Variants in VSTM2L observed in about 807,000 individuals in gnomAD.
The protein encoded by VSTM2L is V-set and transmembrane domain-containing protein 2-like protein.
In VSTM2L, 9 loss-of-function variants were observed where a neutral mutation model predicts 19.9. The ratio of observed to expected loss-of-function variants is 0.45; its 90% CI spans 0.27 to 0.79. The LOEUF (loss-of-function observed/expected upper bound fraction) is 0.79, where lower values mean the gene tolerates loss of function less well. VSTM2L is among the 30% of genes least tolerant of loss of function. The pLI is 0.15. For missense variants in VSTM2L, 286 were observed against 295.5 expected (o/e 0.97, Z 0.24); for synonymous variants, 127 against 133.8 (o/e 0.95, Z 0.35).
Position 37,931,516 on chromosome 20 carries a change from AC to A in VSTM2L, c.122-114del. On this transcript the variant is annotated intron_variant, in intron 1 of 3. Coordinates refer to ENST00000373461, the MANE Select transcript of VSTM2L (RefSeq NM_080607.3). ...CACCAGCGGGCTTGCAGGTCACCCC[AC>A]CCCCTCCACCCATCCCCCGCCGTGC... is the stretch of plus-strand genomic sequence containing the variant. 5.9e-6 allele frequency: 5 copies of A among 850,222 alleles called. No homozygotes were observed. In the South Asian group the frequency reaches 8.2e-5, roughly 14 times the overall value. 52.7% of individuals were successfully genotyped at this position (850,222 alleles called of 1,614,324 possible).
At chr20:37,919,750 G>C (rs2072840178) in intron 1 of VSTM2L, among the ~76,000 whole-genome samples, 1 of 152,212 alleles carries the variant, frequency 6.6e-6, no homozygotes, top group South Asian at 2.1e-4. Flanking sequence ...TAGCTGAAAA[G>C]GATGGGGCTT....
At chr20:37,903,528 C>T (rs2072733707) in intron 1 of VSTM2L, 57 bp downstream of exon 1, 2 of 1,389,452 alleles carry the variant, frequency 1.4e-6, no homozygotes, top group Non-Finnish European at 1.9e-6. Context: ...CCGGGCCGCG[C>T]CACTCCAACT....
chr20:37,930,496 G>T (rs2072902145), intron 1 of VSTM2L, among the ~76,000 whole-genome samples: 1 of 152,160 alleles, frequency 6.6e-6, no homozygotes, highest in Non-Finnish European at 1.5e-5. Flanking sequence ...TGGGTGACCT[G>T]CACGTTGCCA....
chr20:37,931,856 G>T, intron 2 of VSTM2L, 52 bp downstream of exon 2: 1 of 1,566,008 alleles, frequency 6.4e-7, no homozygotes. Flanking sequence ...CCTGGTCCCT[G>T]GGGTAGGGGT....
At position 37,921,455 on chromosome 20, in the gene VSTM2L, C is replaced by T. The variant is rs2072850707; in HGVS notation, c.122-10180C>T. ...GGAGTAGGGAAAATGGGATCCTTCC[C>T]CTGCCTGCCACCAGAGCTGCTAGAG... On this transcript the variant is annotated intron_variant, in intron 1 of 3. Coordinates refer to ENST00000373461, the MANE Select transcript of VSTM2L (RefSeq NM_080607.3). 3.9e-5 allele frequency among the ~76,000 whole-genome samples: 6 copies of T among 152,148 alleles called. No homozygotes were observed. The South Asian group carries it at 1.2e-3, about 32-fold the overall frequency.
chr20:37,921,257 G>A (rs2072849526), intron 1 of VSTM2L, among the ~76,000 whole-genome samples: 1 of 152,208 alleles, frequency 6.6e-6, no homozygotes, highest in Non-Finnish European at 1.5e-5. Flanking sequence ...TGCAGGCTGT[G>A]TCCTTAGGGG....
chr20:37,931,883 TCTC>T (rs1408049684), intron 2 of VSTM2L, 79 bp downstream of exon 2: 3 of 1,448,060 alleles, frequency 2.1e-6, no homozygotes, highest in Non-Finnish European at 2.8e-6. Flanking sequence ...CTGCCCCTCT[TCTC>T]CTCTGAGGGA....
intron 1 of VSTM2L, among the ~76,000 whole-genome samples, chr20:37,922,775 G>C (rs1191002267): frequency 6.6e-6 from 1 of 152,186 alleles, no homozygotes; most frequent in African/African-American, 2.4e-5. Flanking sequence ...GGAGCTGGGG[G>C]CTGCCTGTGC....
chr20:37,924,554 CAAA>C (rs368447073), intron 1 of VSTM2L, among the ~76,000 whole-genome samples: 36 of 90,102 alleles, frequency 4.0e-4, no homozygotes, highest in African/African-American at 4.8e-4. Context: ...GACTCTGTCT[CAAA>C]AAAAAAAAAA....
chr20:37,903,143 GGC>G lies in VSTM2L; in HGVS notation c.-207_-206del. 1.8e-6 allele frequency: 1 copy of G among 560,668 alleles called. No homozygotes were observed. Among genetic ancestry groups the G allele is most frequent in the Non-Finnish European group, 2.5e-6 (1 of 393,484 alleles). 34.7% of individuals were successfully genotyped at this position (560,668 alleles called of 1,614,324 possible). ...AAGAGTCCCGCAGTCGGAGGCGGCC[GGC>G]TGGGCGTGCGCTCGCTCCCCGAAGC... On this transcript the variant is annotated 5_prime_UTR_variant, in exon 1 of 4. Coordinates refer to ENST00000373461, the MANE Select transcript of VSTM2L (RefSeq NM_080607.3).
intron 3 of VSTM2L, among the ~76,000 whole-genome samples, chr20:37,935,439 C>G (rs6096992): frequency 0.31 from 47,765 of 152,060 alleles, 7,727 homozygotes; most frequent in African/African-American, 0.36. Flanking sequence ...AATTGCTCTG[C>G]CCACCCTCCA....
In VSTM2L at chr20:37,945,194, T is replaced by G. The variant is rs887948398; in HGVS notation, c.*941T>G. The G allele has an allele frequency of 6.1e-6, 6 of 985,260 alleles. No individual in the cohort carries two copies. The African/African-American group carries it at 1.0e-4, about 17-fold the overall frequency. 61.0% of individuals were successfully genotyped at this position (985,260 alleles called of 1,614,324 possible). On this transcript the variant is annotated 3_prime_UTR_variant, in exon 4 of 4. Coordinates refer to ENST00000373461, the MANE Select transcript of VSTM2L (RefSeq NM_080607.3). ...TGTAAATATTTCTATTGGACCCAAT[T>G]CTCCTCGGAATTGGCTGGCACCTCT...
At chr20:37,913,730 G>A (rs2072793469) in intron 1 of VSTM2L, among the ~76,000 whole-genome samples, 1 of 152,154 alleles carries the variant, frequency 6.6e-6, no homozygotes, top group South Asian at 2.1e-4. Context: ...AGGCCAGAGT[G>A]GAGCTGCGCC....
chr20:37,911,795 A>C (rs1294849633), intron 1 of VSTM2L, among the ~76,000 whole-genome samples: 4 of 152,168 alleles, frequency 2.6e-5, no homozygotes. Flanking sequence ...CCACTGAACA[A>C]TGGTGAGTTT....
chr20:37,903,504 C>T lies in VSTM2L; in HGVS notation c.121+33C>T, dbSNP rs2072733434. ...CGGTCGCCGCCCCCGCGGACTTCCC[C>T]ACCAAACCCCAACCCGGGCCGCGCC... On this transcript the variant is annotated intron_variant, in intron 1 of 3. Coordinates refer to ENST00000373461, the MANE Select transcript of VSTM2L (RefSeq NM_080607.3). 8 of 1,452,370 alleles carry T rather than the reference C, an allele frequency of 5.5e-6. No individual in the cohort carries two copies. In the South Asian group the frequency reaches 1.1e-4, roughly 19 times the overall value. 90.0% of individuals were successfully genotyped at this position (1,452,370 alleles called of 1,614,324 possible). A position where few individuals can be genotyped will look rare whatever the true frequency, so the allele number is the denominator to read the frequency against.
intron 3 of VSTM2L, among the ~76,000 whole-genome samples, chr20:37,941,396 G>A (rs561915770): frequency 2.6e-5 from 4 of 152,330 alleles, no homozygotes; most frequent in East Asian, 1.9e-4. Context: ...CCCAGCACGC[G>A]CAAAGGCCGT....
rs576530863 is a variant in VSTM2L, at chr20:37,927,709, G to A, written c.122-3926G>A. On this transcript the variant is annotated intron_variant, in intron 1 of 3. Coordinates refer to ENST00000373461, the MANE Select transcript of VSTM2L (RefSeq NM_080607.3). ...GGTTTTCTGTCGGTTGGCAGGGGCG[G>A]GGGGGCCGTGGGCAGGAGGAGACTG... 3.3e-5 allele frequency among the ~76,000 whole-genome samples: 5 copies of A among 152,308 alleles called. No homozygotes were observed. In the East Asian group the frequency reaches 9.7e-4, roughly 29 times the overall value.
chr20:37,942,575 A>G (rs981573972), intron 3 of VSTM2L, among the ~76,000 whole-genome samples: 4 of 152,260 alleles, frequency 2.6e-5, no homozygotes, highest in African/African-American at 9.6e-5. Flanking sequence ...AGCCACCCAT[A>G]CAAGAGTTCC....
chr20:37,919,678 C>T lies in VSTM2L; in HGVS notation c.122-11957C>T, dbSNP rs926226714. 3.3e-5 allele frequency among the ~76,000 whole-genome samples: 5 copies of T among 152,224 alleles called. No homozygotes were observed. The East Asian group carries it at 5.8e-4, about 18-fold the overall frequency. On this transcript the variant is annotated intron_variant, in intron 1 of 3. Transcript: ENST00000373461. ...CACACACACCCTTGTGGCCTTGCCA[C>T]CCAGCTGAGCTGGGCATAGAGCAGG...
Sources: allele counts gnomAD v4.1 joint callset (sites outside exome capture counted in the v4.1 genomes callset), GRCh38; gene constraint gnomAD v4.1.1; transcripts MANE v1.5; gene names NCBI Gene and HGNC (gene_info 2026-07-23, HGNC 2026-07-21).